The following PRR5L variants were observed in gnomAD, a reference collection of about 807,000 sequenced individuals.
The protein encoded by PRR5L is proline rich 5 like.
PRR5L carries 21 observed loss-of-function variants against 36.4 expected under a neutral mutation model. The ratio of observed to expected loss-of-function variants is 0.58; its 90% CI spans 0.41 to 0.83. The LOEUF is 0.83. PRR5L is among the 40% of genes least tolerant of loss of function. The pLI is 0.00. For synonymous variants in PRR5L, 188 were observed against 197.0 expected (o/e 0.95, Z 0.38); for missense variants, 381 against 473.3 (o/e 0.80, Z 1.81).
chr11:36,351,329 T>C (rs1315681921), intron 1 of PRR5L, among the ~76,000 whole-genome samples: 1 of 72,070 alleles, frequency 1.4e-5, no homozygotes, highest in South Asian at 5.6e-4. Flanking sequence ...TATAAATATT[T>C]ATATATATTT....
At position 36,401,013 on chromosome 11, in the gene PRR5L, T is replaced by A; in HGVS notation, c.-109T>A. 1.3e-6 allele frequency: 2 copies of A among 1,488,932 alleles called. No homozygotes were observed. The highest frequency in any genetic ancestry group is 2.8e-5 in the African/African-American group (2 of 71,108). The allele number at this position is 1,488,932 out of a possible 1,614,324, so 92.2% of individuals were successfully genotyped here. The stretch of plus-strand genomic sequence containing the variant: ...TCTTTTCAGGTGTTGGCTACGTTTG[T>A]GGTTTTAAGAAAGCCTGAGGGCCTG... On this transcript the variant is annotated 5_prime_UTR_variant, in exon 2 of 9. Coordinates refer to ENST00000530639, the MANE Select transcript of PRR5L (RefSeq NM_001160167.2).
intron 3 of PRR5L, among the ~76,000 whole-genome samples, chr11:36,418,444 G>C (rs1858192804): frequency 6.6e-6 from 1 of 152,118 alleles, no homozygotes; most frequent in African/African-American, 2.4e-5. Context: ...TCTTGGCTCT[G>C]CCACTGACTT....
chr11:36,307,587 C>T (rs1489810319), intron 1 of PRR5L, among the ~76,000 whole-genome samples: 1 of 152,134 alleles, frequency 6.6e-6, no homozygotes, highest in Non-Finnish European at 1.5e-5. Flanking sequence ...GAAGGCCAAG[C>T]CAATGCACCC....
intron 1 of PRR5L, among the ~76,000 whole-genome samples, chr11:36,346,532 G>A (rs1856867570): frequency 1.3e-5 from 2 of 151,894 alleles, no homozygotes; most frequent in African/African-American, 4.8e-5. Flanking sequence ...GTAGTGAGCC[G>A]AGATTGCGCC....
intron 1 of PRR5L, among the ~76,000 whole-genome samples, chr11:36,354,601 C>T (rs1857007650): frequency 6.6e-6 from 1 of 152,066 alleles, no homozygotes; most frequent in Non-Finnish European, 1.5e-5. Context: ...GCAATAGGAC[C>T]ATTCTATATT....
In PRR5L at chr11:36,332,210, C is replaced by CA. The variant is rs910509233; in HGVS notation, c.-126+35780dup. Among the ~76,000 whole-genome samples the CA allele has an allele frequency of 1.1e-3, 171 of 151,796 alleles. 1 individual carries two copies. Among genetic ancestry groups the CA allele is most frequent in the African/African-American group, 4.1e-3 (169 of 41,414 alleles). ...TATTAACAAAAATGTAATAGCATTA[C>CA]AAAAAAAACCCATGAATGCCAACAC... is the stretch of plus-strand genomic sequence containing the variant. On this transcript the variant is annotated intron_variant, in intron 1 of 8. Transcript: ENST00000530639.
At chr11:36,453,701 G>A (rs1858989186) in intron 8 of PRR5L, among the ~76,000 whole-genome samples, 2 of 152,150 alleles carry the variant, frequency 1.3e-5, no homozygotes, top group African/African-American at 2.4e-5. Context: ...ACAAGGCAGT[G>A]TCTCATCAGT....
At chr11:36,421,396 C>T (rs546408975) in intron 4 of PRR5L, among the ~76,000 whole-genome samples, 6 of 152,270 alleles carry the variant, frequency 3.9e-5, no homozygotes, top group East Asian at 1.9e-4. Flanking sequence ...CATTTCCTAC[C>T]GGGAACATAA....
chr11:36,455,296 C>T (rs1859029922), intron 8 of PRR5L: 1 of 152,764 alleles, frequency 6.5e-6, no homozygotes, highest in Admixed American at 6.5e-5. Flanking sequence ...CCTGGGAGAT[C>T]AAAAGCCTGG....
chr11:36,397,793 T>C (rs1368840353), intron 1 of PRR5L, among the ~76,000 whole-genome samples: 2 of 151,766 alleles, frequency 1.3e-5, no homozygotes. Context: ...CTTTCTTTTC[T>C]TTCTTTTTTT....
chr11:36,444,416 C>T (rs905746306), intron 6 of PRR5L, among the ~76,000 whole-genome samples: 12 of 152,156 alleles, frequency 7.9e-5, no homozygotes, highest in Non-Finnish European at 1.3e-4. Flanking sequence ...AGAGATTAGA[C>T]GAAGAGGACT....
At chr11:36,302,829 C>A (rs1043688677) in intron 1 of PRR5L, among the ~76,000 whole-genome samples, 1 of 152,122 alleles carries the variant, frequency 6.6e-6, no homozygotes, top group Non-Finnish European at 1.5e-5. Context: ...TGCTGGCTCA[C>A]GTGTGTGCAG....
intron 1 of PRR5L, among the ~76,000 whole-genome samples, chr11:36,317,616 T>G (rs1856570924): frequency 6.6e-6 from 1 of 152,196 alleles, no homozygotes; most frequent in African/African-American, 2.4e-5. Flanking sequence ...TGGTTCAGCT[T>G]TAGGTTGTCC....
chr11:36,462,574 G>A lies in PRR5L; in HGVS notation c.945G>A (p.Glu315=), dbSNP rs1163035375. Residue 315 remains glutamate (E), a synonymous_variant, in exon 9 of 9, where the codon GAG becomes GAA. Coordinates refer to ENST00000530639, the MANE Select transcript of PRR5L (RefSeq NM_001160167.2). ...TGATGCACTCGGGCCTGGGGGAGGA[G>A]GCCAGCAGTGAGAACAAGTGCCTGC... ...ATMMHSGLGE[E]ASSENKCLLL... 1.9e-6 allele frequency: 3 copies of A among 1,612,946 alleles called. No homozygotes were observed. Among genetic ancestry groups the A allele is most frequent in the Non-Finnish European group, 2.5e-6 (3 of 1,179,844 alleles).
chr11:36,337,585 T>G (rs1162884180), intron 1 of PRR5L, among the ~76,000 whole-genome samples: 1 of 152,260 alleles, frequency 6.6e-6, no homozygotes, highest in Non-Finnish European at 1.5e-5. Context: ...CAAACAGGTT[T>G]CAGCACATGC....
rs949681143 is a variant in PRR5L at position 36,464,644 on chromosome 11, CTTA to C, written c.*1912_*1914del. ...ATTTATGTAACTGATAGCTTCTGTCCTTATTAGTACACTTAACATTTGAGACTA... is the reference window on the plus strand; with the variant it reads ...ATTTATGTAACTGATAGCTTCTGTCCTTAGTACACTTAACATTTGAGACTA... On this transcript the variant is annotated 3_prime_UTR_variant, in exon 9 of 9. Coordinates refer to ENST00000530639, the MANE Select transcript of PRR5L (RefSeq NM_001160167.2). The C allele has an allele frequency of 5.8e-4, 88 of 152,268 alleles. No homozygotes were observed. Among genetic ancestry groups the C allele is most frequent in the African/African-American group, 1.5e-3 (64 of 41,550 alleles). The allele number at this position is 152,268 out of a possible 1,614,324, so 9.4% of individuals were successfully genotyped here.
chr11:36,303,530 C>T (rs749730603), intron 1 of PRR5L, among the ~76,000 whole-genome samples: 1 of 152,188 alleles, frequency 6.6e-6, no homozygotes, highest in Non-Finnish European at 1.5e-5. Context: ...TGCAACTTGC[C>T]ATTTTCACTG....
chr11:36,394,213 C>A (rs1466599103), intron 1 of PRR5L, among the ~76,000 whole-genome samples: 1 of 152,218 alleles, frequency 6.6e-6, no homozygotes, highest in Non-Finnish European at 1.5e-5. Flanking sequence ...AATCCTAAAT[C>A]ACCTGCTCAA....
intron 8 of PRR5L, among the ~76,000 whole-genome samples, chr11:36,457,619 A>G (rs539859221): frequency 1.4e-5 from 2 of 144,452 alleles, no homozygotes; most frequent in East Asian, 4.2e-4. Flanking sequence ...AAAAAAAAAA[A>G]CAAAACAAAA....
Sources: gnomAD v4.1 joint callset for allele counts (sites outside exome capture counted in the v4.1 genomes callset) on GRCh38, gnomAD v4.1.1 for gene constraint, MANE v1.5 for transcripts, NCBI Gene and HGNC (gene_info 2026-07-23, HGNC 2026-07-21) for gene names.